The following ZNF808 variants were observed in gnomAD, a reference collection of about 807,000 sequenced individuals.
ZNF808 encodes zinc finger protein 808.
In ZNF808, 5 loss-of-function variants were observed where a neutral mutation model predicts 8.7. The ratio of observed to expected loss-of-function variants is 0.58; its 90% CI spans 0.30 to 1.21. The LOEUF (loss-of-function observed/expected upper bound fraction) is 1.21, where lower values mean the gene tolerates loss of function less well. ZNF808 is among the 50% of genes most tolerant of loss of function. The probability of loss-of-function intolerance (pLI) is 0.07; values close to 1 mark genes in which losing one functional copy is unlikely to be tolerated. For missense variants in ZNF808, 1,103 were observed against 1,098.4 expected, an observed-to-expected ratio of 1.00 and a Z score of -0.06; for synonymous variants, 380 against 366.0, an observed-to-expected ratio of 1.04 and a Z score of -0.44.
In ZNF808 at chr19:52,555,492, A is replaced by G; in HGVS notation, c.2576A>G (p.Lys859Arg). 6.2e-7 allele frequency: 1 copy of G among 1,614,084 alleles called. No homozygotes were observed. Among genetic ancestry groups the G allele is most frequent in the Non-Finnish European group, 8.5e-7 (1 of 1,179,988 alleles). ...CEACDKVFSR[K>R]SHLKRHRIIH... Reference sequence around the variant, plus strand: ...GCATGTGACAAAGTTTTCAGTCGCAAATCACACCTTAAAAGACATAGGATA... The same window carrying G: ...GCATGTGACAAAGTTTTCAGTCGCAGATCACACCTTAAAAGACATAGGATA... The change falls in exon 5 of 5, where the codon AAA (lysine) becomes AGA (arginine). Residue 859 changes from lysine to arginine, a missense_variant. Lys to Arg is a conservative substitution (Grantham distance 26). Transcript: ENST00000359798.
At position 52,554,440 on chromosome 19, in the gene ZNF808, A is replaced by T. The variant is rs2059812651; in HGVS notation, c.1524A>T (p.Glu508Asp). Residue 508 changes from glutamate (E) to aspartate (D), a missense_variant, in exon 5 of 5, where the codon GAA (glutamate) becomes GAT (aspartate). Coordinates refer to ENST00000359798, the MANE Select transcript of ZNF808 (RefSeq NM_001039886.4). ...LLCHRRLHSG[E>D]KPYKCNQCGN... is the part of the protein sequence containing the mutation. ...GCCATCGTAGACTTCATAGTGGTGA[A>T]AAACCTTACAAGTGTAATCAGTGTG... The T allele has an allele frequency of 6.2e-7, 1 of 1,613,712 alleles. No individual in the cohort carries two copies.
downstream of ZNF808, among the ~76,000 whole-genome samples, chr19:52,567,176 C>A (rs2059874941): frequency 6.6e-6 from 1 of 151,630 alleles, no homozygotes; most frequent in Admixed American, 6.6e-5. Flanking sequence ...GGTCTCGAAC[C>A]CCTGATCTCA....
Position 52,536,695 on chromosome 19 carries a change from G to T in ZNF808, c.-20+3686G>T, listed in dbSNP as rs149695155. Among the ~76,000 whole-genome samples the T allele has an allele frequency of 6.6e-3, 1,002 of 152,292 alleles. 15 individuals carry two copies. Among genetic ancestry groups the T allele is most frequent in the African/African-American group, 0.023 (948 of 41,566 alleles). On this transcript the variant is annotated intron_variant, in intron 2 of 4. Transcript: ENST00000359798. ...TGTCTTACCCCAAACCCGCAGAGTG[G>T]TGCTGGTGGCAATGAGAACAGAGGG...
chr19:52,547,724 GC>G (rs2059736302), intron 4 of ZNF808, 86 bp downstream of exon 4: 1 of 1,505,826 alleles, frequency 6.6e-7, no homozygotes, highest in South Asian at 1.3e-5. Context: ...TTGTGATTTT[GC>G]CCCATCCATG....
chr19:52,536,473 C>T (rs975812487), intron 2 of ZNF808, among the ~76,000 whole-genome samples: 7 of 152,192 alleles, frequency 4.6e-5, no homozygotes, highest in Admixed American at 6.5e-5. Flanking sequence ...TCTGCAGGTG[C>T]CACCCTTGTC....
chr19:52,555,421 A>T lies in ZNF808; in HGVS notation c.2505A>T (p.Ser835=), dbSNP rs1385082265. ...GKAFNEQSHL[S]RHHRIHTGEK... is the part of the protein sequence containing the mutation. ...CTTTTAATGAACAATCACACCTTTC[A>T]CGTCATCATAGAATTCATACTGGAG... The change falls in exon 5 of 5, where the codon TCA becomes TCT. Residue 835 remains serine, a synonymous_variant. Transcript: ENST00000359798. The T allele has an allele frequency of 6.2e-7, 1 of 1,614,132 alleles. No homozygotes were observed. The highest frequency in any genetic ancestry group is 1.1e-5 in the South Asian group (1 of 91,084).
Position 52,555,442 on chromosome 19 carries a change from T to C in ZNF808, c.2526T>C (p.Thr842=), listed in dbSNP as rs1258247102. The C allele has an allele frequency of 1.9e-6, 3 of 1,614,118 alleles. No homozygotes were observed. In the Admixed American group the frequency reaches 5.0e-5, roughly 27 times the overall value. Residue 842 remains threonine, a synonymous_variant, in exon 5 of 5, where the codon ACT becomes ACC. Transcript: ENST00000359798. ...SHLSRHHRIH[T]GEKPYKCEAC... is the part of the protein sequence containing the mutation. Reference sequence around the variant, plus strand: ...TTTCACGTCATCATAGAATTCATACTGGAGAGAAACCTTACAAATGTGAAG... The same window carrying C: ...TTTCACGTCATCATAGAATTCATACCGGAGAGAAACCTTACAAATGTGAAG...
chr19:52,537,926 C>G (rs1336095452), intron 2 of ZNF808, among the ~76,000 whole-genome samples: 1 of 151,970 alleles, frequency 6.6e-6, no homozygotes, highest in Non-Finnish European at 1.5e-5. Context: ...CAGTGACATT[C>G]AATTGTGGGT....
downstream of ZNF808, among the ~76,000 whole-genome samples, chr19:52,559,156 CT>C (rs2059848542): frequency 1.3e-5 from 2 of 151,796 alleles, no homozygotes; most frequent in African/African-American, 4.8e-5. Flanking sequence ...AGGAAGGCCT[CT>C]TTGCAGTTGA....
intron 2 of ZNF808, among the ~76,000 whole-genome samples, chr19:52,534,670 A>C (rs549045157): frequency 1.2e-3 from 103 of 84,984 alleles, no homozygotes; most frequent in Non-Finnish European, 1.9e-3. Flanking sequence ...CTGGCGGATC[A>C]CTTGAAGTCA....
downstream of ZNF808, among the ~76,000 whole-genome samples, chr19:52,560,847 T>TG (rs2059853853): frequency 6.6e-6 from 1 of 152,194 alleles, no homozygotes; most frequent in African/African-American, 2.4e-5. Flanking sequence ...CTCCTTTTCC[T>TG]GGCCTTGCTT....
At chr19:52,541,435 C>A (rs1263468976) in intron 2 of ZNF808, among the ~76,000 whole-genome samples, 1 of 152,032 alleles carries the variant, frequency 6.6e-6, no homozygotes, top group Non-Finnish European at 1.5e-5. Flanking sequence ...CAGGCAATCA[C>A]ATGGGAATCA....
intron 1 of ZNF808, among the ~76,000 whole-genome samples, chr19:52,532,452 AT>A (rs2059569360): frequency 6.6e-6 from 1 of 152,120 alleles, no homozygotes; most frequent in African/African-American, 2.4e-5. Context: ...CAGAATTTCA[AT>A]TGATTTTGGT....
At chr19:52,546,806 G>A (rs1411184799) in intron 3 of ZNF808, among the ~76,000 whole-genome samples, 2 of 151,202 alleles carry the variant, frequency 1.3e-5, no homozygotes, top group African/African-American at 4.9e-5. Flanking sequence ...ACAACACCTA[G>A]CTAATTTTTG....
downstream of ZNF808, among the ~76,000 whole-genome samples, chr19:52,568,751 G>A (rs952836792): frequency 3.3e-5 from 5 of 152,314 alleles, no homozygotes; most frequent in African/African-American, 1.2e-4. Flanking sequence ...AATTAATAAT[G>A]TATTCTAAAT....
chr19:52,561,212 C>CTATATA (rs374488821), downstream of ZNF808, among the ~76,000 whole-genome samples: 113 of 39,992 alleles, frequency 2.8e-3, 2 homozygotes, highest in Middle Eastern at 0.014. Flanking sequence ...CTCTCTCTCT[C>CTATATA]TATATATATA....
At chr19:52,537,790 A>G (rs183758269) in intron 2 of ZNF808, among the ~76,000 whole-genome samples, 1 of 152,256 alleles carries the variant, frequency 6.6e-6, no homozygotes, top group East Asian at 1.9e-4. Flanking sequence ...ATAAAATCTA[A>G]TAACTTGTTT....
rs189913945 is a variant in ZNF808, at chr19:52,551,819, A to G, written c.191-1288A>G. On this transcript the variant is annotated intron_variant, in intron 4 of 4. Coordinates refer to ENST00000359798, the MANE Select transcript of ZNF808 (RefSeq NM_001039886.4). ...GGAGTTTGAGACCAGCCTGGCCAAC[A>G]TGGTGAAACCACATCTCTACTAAAA... Among the ~76,000 whole-genome samples, 81 of 152,026 alleles carry G rather than the reference A, an allele frequency of 5.3e-4. 1 individual carries two copies. The East Asian group carries it at 0.014, about 25-fold the overall frequency.
chr19:52,544,238 C>A (rs1023686070), intron 3 of ZNF808, among the ~76,000 whole-genome samples: 3 of 152,156 alleles, frequency 2.0e-5, no homozygotes, highest in African/African-American at 7.2e-5. Flanking sequence ...GAGTTTACAG[C>A]AGCCTCAAAC....
Sources: allele counts gnomAD v4.1 joint callset (sites outside exome capture counted in the v4.1 genomes callset), GRCh38; gene constraint gnomAD v4.1.1; transcripts MANE v1.5; gene names NCBI Gene and HGNC (gene_info 2026-07-23, HGNC 2026-07-21).